OR2T6: variants seen among roughly 807,000 people sequenced by gnomAD.
The protein encoded by OR2T6 is olfactory receptor 2T6.
For synonymous variants in OR2T6, 174 were observed against 148.0 expected (o/e 1.18, Z -1.27); for missense variants, 424 against 391.6 (o/e 1.08, Z -0.70).
chr1:248,388,405 A>G lies in OR2T6; in HGVS notation c.797A>G (p.His266Arg), dbSNP rs201820935. 1.9e-6 allele frequency: 3 copies of G among 1,613,326 alleles called. No homozygotes were observed. The highest frequency in any genetic ancestry group is 2.5e-6 in the Non-Finnish European group (3 of 1,179,724). ...ACGTATACGCTTCCCCAATCTTACC[A>G]CACCCCAATCAAAGATAAGGTCTTC... The part of the protein sequence containing the change: ...LYTYTLPQSY[H>R]TPIKDKVFSA... Residue 266 changes from histidine to arginine, a missense_variant, in exon 3 of 3, where the codon CAC becomes CGC. Physicochemically the swap from His to Arg is conservative, Grantham distance 29. Coordinates refer to ENST00000641644, the MANE Select transcript of OR2T6 (RefSeq NM_001005471.2).
At position 248,390,887 on chromosome 1, in the gene OR2T6, T is replaced by A. The variant is rs893411761; in HGVS notation, c.*2352T>A. The A allele has an allele frequency of 1.3e-5, 2 of 152,224 alleles. No individual in the cohort carries two copies. Among genetic ancestry groups the A allele is most frequent in the South Asian group, 2.1e-4 (1 of 4,832 alleles). 9.4% of individuals were successfully genotyped at this position (152,224 alleles called of 1,614,324 possible). ...TTATAAAATTTGACTTAATACATACTTTTTTTCTTGTAAGATTTTAAAATC... is the reference window on the plus strand; with the variant it reads ...TTATAAAATTTGACTTAATACATACATTTTTTCTTGTAAGATTTTAAAATC... On this transcript the variant is annotated 3_prime_UTR_variant, in exon 3 of 3. Transcript: ENST00000641644.
intron 2 of OR2T6, among the ~76,000 whole-genome samples, chr1:248,386,834 T>C (rs999873717): frequency 2.0e-5 from 3 of 152,228 alleles, no homozygotes; most frequent in African/African-American, 4.8e-5. Context: ...TCTTTCATTG[T>C]CTGTGTTGAA....
Position 248,389,196 on chromosome 1 carries a change from T to C in OR2T6, c.*661T>C, listed in dbSNP as rs1661208707. On this transcript the variant is annotated 3_prime_UTR_variant, in exon 3 of 3. Transcript: ENST00000641644. Reference sequence around the variant, plus strand: ...CTGTAATGTTAGTTTTTTAATATGGTAACTAACTGTTACATTGGAAGACAC... The same window carrying C: ...CTGTAATGTTAGTTTTTTAATATGGCAACTAACTGTTACATTGGAAGACAC... 1 of 152,222 alleles carries C rather than the reference T, an allele frequency of 6.6e-6. No homozygotes were observed. The highest frequency in any genetic ancestry group is 6.5e-5 in the Admixed American group (1 of 15,274). The allele number at this position is 152,222 out of a possible 1,614,324, so 9.4% of individuals were successfully genotyped here.
At position 248,388,024 on chromosome 1, in the gene OR2T6, G is replaced by A. The variant is rs376407108; in HGVS notation, c.416G>A (p.Arg139Gln). The change falls in exon 3 of 3, where the codon CGG becomes CAG. Residue 139 changes from arginine to glutamine, a missense_variant. Coordinates refer to ENST00000641644, the MANE Select transcript of OR2T6 (RefSeq NM_001005471.2). ...CGCTATCCTGTCCTCATCAGCTGGCGGGTCTGCTGGATGATCCTGGCCAGC... is the reference window on the plus strand; with the variant it reads ...CGCTATCCTGTCCTCATCAGCTGGCAGGTCTGCTGGATGATCCTGGCCAGC... ...PLRYPVLISW[R>Q]VCWMILASSW... 69 of 1,613,596 alleles carry A rather than the reference G, an allele frequency of 4.3e-5. 1 individual carries two copies. Among genetic ancestry groups the A allele is most frequent in the South Asian group, 2.6e-4 (24 of 91,006 alleles).
intron 1 of OR2T6, among the ~76,000 whole-genome samples, chr1:248,381,168 G>A (rs1661023390): frequency 6.6e-6 from 1 of 151,546 alleles, no homozygotes; most frequent in South Asian, 2.1e-4. Context: ...AAACACACAT[G>A]TACACACATA....
intron 1 of OR2T6, among the ~76,000 whole-genome samples, chr1:248,381,590 G>A (rs1223612069): frequency 6.6e-6 from 1 of 150,584 alleles, no homozygotes; most frequent in East Asian, 1.9e-4. Flanking sequence ...TTCAGACCCT[G>A]TTTTCTGTAT....
intron 1 of OR2T6, among the ~76,000 whole-genome samples, chr1:248,378,828 A>C (rs765440502): frequency 6.6e-6 from 1 of 152,072 alleles, no homozygotes; most frequent in Non-Finnish European, 1.5e-5. Context: ...TGTTCTCCAA[A>C]AGTTTAGCAT....
chr1:248,379,105 G>C (rs1432871841), intron 1 of OR2T6, among the ~76,000 whole-genome samples: 1 of 152,190 alleles, frequency 6.6e-6, no homozygotes, highest in African/African-American at 2.4e-5. Context: ...AGCCCAAAAG[G>C]TTGAGGCTAC....
Position 248,391,296 on chromosome 1 carries a change from T to G in OR2T6, c.*2761T>G, listed in dbSNP as rs1210220283. ...TTATTTAGTGTTAAAAATAAATGAT[T>G]TATCAAGCCATTGGAAGACATGGAG... On this transcript the variant is annotated 3_prime_UTR_variant, in exon 3 of 3. Coordinates refer to ENST00000641644, the MANE Select transcript of OR2T6 (RefSeq NM_001005471.2). 2 of 152,036 alleles carry G rather than the reference T, an allele frequency of 1.3e-5. No individual in the cohort carries two copies. Among genetic ancestry groups the G allele is most frequent in the African/African-American group, 4.8e-5 (2 of 41,428 alleles). The allele number at this position is 152,036 out of a possible 1,614,324, so 9.4% of individuals were successfully genotyped here. A position where few individuals can be genotyped will look rare whatever the true frequency, so the allele number is the denominator to read the frequency against.
At chr1:248,387,386 A>T (rs78752011) in intron 2 of OR2T6, among the ~76,000 whole-genome samples, 1 of 152,190 alleles carries the variant, frequency 6.6e-6, no homozygotes, top group Non-Finnish European at 1.5e-5. Context: ...ACATTCATTC[A>T]TCTTCATCCC....
Position 248,388,261 on chromosome 1 carries a change from A to G in OR2T6, c.653A>G (p.Tyr218Cys). ...LIPFSVVTAS[Y>C]TRILITVHQM... ...CCCTTCTCGGTGGTGACTGCATCCT[A>G]CACCAGGATTCTCATCACAGTGCAT... Residue 218 changes from tyrosine (Y) to cysteine (C), a missense_variant, in exon 3 of 3, where the codon TAC (tyrosine) becomes TGC (cysteine). Coordinates refer to ENST00000641644, the MANE Select transcript of OR2T6 (RefSeq NM_001005471.2). The G allele has an allele frequency of 1.9e-6, 3 of 1,600,262 alleles. No individual in the cohort carries two copies. Among genetic ancestry groups the G allele is most frequent in the Non-Finnish European group, 8.5e-7 (1 of 1,174,090 alleles).
chr1:248,377,170 C>T (rs150498700), intron 1 of OR2T6, among the ~76,000 whole-genome samples: 2 of 152,174 alleles, frequency 1.3e-5, no homozygotes, highest in African/African-American at 2.4e-5. Flanking sequence ...GACCAAGTGG[C>T]CTACATATTC....
At chr1:248,376,098 AAAGCCATTTGGCTCT>A (rs1271302779) in intron 1 of OR2T6, 44 bp downstream of exon 1, 9 of 152,342 alleles carry the variant, frequency 5.9e-5, no homozygotes, top group Middle Eastern at 3.4e-3. Context: ...TCACAGTAAG[AAAGCCATTTGGCTCT>A]CTTAGATAAT....
At chr1:248,378,170 ATTT>A (rs890950937) in intron 1 of OR2T6, among the ~76,000 whole-genome samples, 1 of 152,148 alleles carries the variant, frequency 6.6e-6, no homozygotes, top group African/African-American at 2.4e-5. Context: ...TAAAAGATGG[ATTT>A]TTTAAGTTTG....
At chr1:248,386,274 G>C (rs74483845) in intron 2 of OR2T6, among the ~76,000 whole-genome samples, 9,231 of 152,212 alleles carry the variant, frequency 0.061, 956 homozygotes, top group African/African-American at 0.21. Flanking sequence ...AGATGTGAAT[G>C]CACCACCCAT....
intron 1 of OR2T6, among the ~76,000 whole-genome samples, chr1:248,377,216 C>G (rs1471706107): frequency 1.3e-5 from 2 of 152,184 alleles, no homozygotes; most frequent in Non-Finnish European, 2.9e-5. Context: ...AGCTTGCTTT[C>G]TTTTCCAAAG....
chr1:248,391,324 A>C lies in OR2T6; in HGVS notation c.*2789A>C, dbSNP rs565036678. ...TCAAGCCATTGGAAGACATGGAGGA[A>C]ATTTAAATGTATATTGTGAAGTGAA... On this transcript the variant is annotated 3_prime_UTR_variant, in exon 3 of 3. Coordinates refer to ENST00000641644, the MANE Select transcript of OR2T6 (RefSeq NM_001005471.2). 31 of 152,312 alleles carry C rather than the reference A, an allele frequency of 2.0e-4. No individual in the cohort carries two copies. Among genetic ancestry groups the C allele is most frequent in the African/African-American group, 6.7e-4 (28 of 41,576 alleles). The allele number at this position is 152,312 out of a possible 1,614,324, so 9.4% of individuals were successfully genotyped here.
At chr1:248,382,177 T>C (rs1661046398) in intron 1 of OR2T6, among the ~76,000 whole-genome samples, 1 of 152,246 alleles carries the variant, frequency 6.6e-6, no homozygotes. Context: ...ATATCTTCAG[T>C]TTAGACATTT....
chr1:248,381,793 AGT>A (rs1238633031), intron 1 of OR2T6, among the ~76,000 whole-genome samples: 3 of 152,088 alleles, frequency 2.0e-5, no homozygotes, highest in Admixed American at 1.3e-4. Flanking sequence ...GTAATATTAC[AGT>A]TTCTTCCCTT....
Sources: gnomAD v4.1 joint callset for allele counts (sites outside exome capture counted in the v4.1 genomes callset) on GRCh38, gnomAD v4.1.1 for gene constraint, MANE v1.5 for transcripts, NCBI Gene and HGNC (gene_info 2026-07-23, HGNC 2026-07-21) for gene names.